PTPRN2: variants seen among roughly 807,000 people sequenced by gnomAD.
The protein encoded by PTPRN2 is protein tyrosine phosphatase receptor type N2.
A neutral mutation model predicts 118.8 loss-of-function variants in PTPRN2; 74 were observed. The observed-to-expected ratio is 0.62, with a 90% CI of 0.52 to 0.76. The LOEUF is 0.76. Ranked by LOEUF, PTPRN2 falls within the 30% of genes least tolerant of loss-of-function variation. The pLI is 0.00. For missense variants in PTPRN2, 1,481 were observed against 1,394.4 expected (o/e 1.06, Z -0.99); for synonymous variants, 641 against 608.0 (o/e 1.05, Z -0.80).
intron 12 of PTPRN2, among the ~76,000 whole-genome samples, chr7:157,788,449 G>A (rs1351187057): frequency 1.3e-5 from 2 of 152,038 alleles, no homozygotes; most frequent in Admixed American, 6.5e-5. Flanking sequence ...GGAGACCCTG[G>A]GAGAAGTGTG....
chr7:157,611,831 A>G lies in PTPRN2; in HGVS notation c.2345-7756T>C, dbSNP rs1221479256. ...CCCGTGTGAAGACGAAGACAGCCGC[A>G]GTCATGCTGGGGACACGCGGAGGGA... On this transcript the variant is annotated intron_variant, in intron 15 of 22. Transcript: ENST00000389418. This position sits in a 1 kb window ranked among gnomAD's most constrained non-coding sequence, Gnocchi z 5.9. Among the ~76,000 whole-genome samples the G allele has an allele frequency of 2.0e-4, 26 of 127,442 alleles. No homozygotes were observed. The highest frequency in any genetic ancestry group is 7.5e-4 in the African/African-American group (24 of 32,156). The allele number at this position is 127,442 out of a possible 152,430, so 83.6% of individuals were successfully genotyped here. A position where few individuals can be genotyped will look rare whatever the true frequency, so the allele number is the denominator to read the frequency against.
chr7:157,585,609 G>A lies in PTPRN2; in HGVS notation c.2497-7469C>T, dbSNP rs1345980270. Among the ~76,000 whole-genome samples, 1 of 152,256 alleles carries A rather than the reference G, an allele frequency of 6.6e-6. No individual in the cohort carries two copies. The highest frequency in any genetic ancestry group is 1.5e-5 in the Non-Finnish European group (1 of 68,056). The stretch of plus-strand genomic sequence containing the variant: ...GAGACTCCCTGTGGCCTCTGCCTGT[G>A]CTCACGTTCCCGGTTAAATATGCGC... On this transcript the variant is annotated intron_variant, in intron 17 of 22. Transcript: ENST00000389418. This position sits in a 1 kb window ranked among gnomAD's most constrained non-coding sequence, Gnocchi z 5.2.
chr7:158,070,722 T>TGTGGAGGTGCCTGTGGTG (rs1811258719), intron 11 of PTPRN2, among the ~76,000 whole-genome samples: 4 of 44,304 alleles, frequency 9.0e-5, no homozygotes, highest in Non-Finnish European at 1.6e-4. Context: ...GTGCCTGTGG[T>TGTGGAGGTGCCTGTGGTG]GTGGAGGTGC....
At chr7:157,735,216 C>G (rs1444133329) in intron 12 of PTPRN2, among the ~76,000 whole-genome samples, 1 of 152,218 alleles carries the variant, frequency 6.6e-6, no homozygotes, top group Non-Finnish European at 1.5e-5. Flanking sequence ...CCATTTTGAC[C>G]CAACAGACAC....
chr7:158,188,712 GT>G lies in PTPRN2; in HGVS notation c.549+3614del, dbSNP rs1462753537. Among the ~76,000 whole-genome samples the G allele has an allele frequency of 9.9e-5, 13 of 130,926 alleles. No homozygotes were observed. In the East Asian group the frequency reaches 2.4e-3, roughly 24 times the overall value. The allele number at this position is 130,926 out of a possible 152,430, so 85.9% of individuals were successfully genotyped here. A position where few individuals can be genotyped will look rare whatever the true frequency, so the allele number is the denominator to read the frequency against. ...GGAAAGGCCGCCACGCCCGCCCCCT[GT>G]AGGGGGAAGGCCGCCACGCTCGCCG... On this transcript the variant is annotated intron_variant, in intron 5 of 22. Transcript: ENST00000389418.
intron 11 of PTPRN2, among the ~76,000 whole-genome samples, chr7:158,076,843 G>A (rs1393067166): frequency 6.6e-6 from 1 of 152,204 alleles, no homozygotes; most frequent in Admixed American, 6.5e-5. Flanking sequence ...GGGGTTGGGG[G>A]GAGCTTCTGG....
chr7:158,198,935 G>C (rs2150727458), intron 4 of PTPRN2, among the ~76,000 whole-genome samples: 1 of 131,392 alleles, frequency 7.6e-6, no homozygotes, highest in South Asian at 2.9e-4. Flanking sequence ...GTTCTTCTCA[G>C]GTTCTGGCTT....
At chr7:157,709,694 T>A (rs60376668) in intron 12 of PTPRN2, among the ~76,000 whole-genome samples, 1 of 152,140 alleles carries the variant, frequency 6.6e-6, no homozygotes, top group Non-Finnish European at 1.5e-5. Flanking sequence ...CTCCAGGAGC[T>A]GCGCCACACA....
intron 12 of PTPRN2, among the ~76,000 whole-genome samples, chr7:157,836,072 A>G (rs899320700): frequency 2.6e-5 from 4 of 152,262 alleles, no homozygotes; most frequent in Admixed American, 2.6e-4. Flanking sequence ...TCACACTCCC[A>G]TAGGAAAATT....
chr7:158,230,956 G>C (rs1029367956), intron 3 of PTPRN2, among the ~76,000 whole-genome samples: 1 of 152,156 alleles, frequency 6.6e-6, no homozygotes, highest in Non-Finnish European at 1.5e-5. Context: ...GATGGACATT[G>C]ACTGAAAGGA....
rs558597355 is a variant in PTPRN2 at position 157,767,497 on chromosome 7, C to G, written c.1789-84560G>C. Among the ~76,000 whole-genome samples, 6 of 152,338 alleles carry G rather than the reference C, an allele frequency of 3.9e-5. No homozygotes were observed. In the South Asian group the frequency reaches 1.0e-3, roughly 26 times the overall value. On this transcript the variant is annotated intron_variant, in intron 12 of 22. Transcript: ENST00000389418. ...TGGCTGGGAAGTCCTCACAGTCACACCCTGCAGTAAGAATGCTCACGAATA... is the reference window on the plus strand; with the variant it reads ...TGGCTGGGAAGTCCTCACAGTCACAGCCTGCAGTAAGAATGCTCACGAATA...
intron 2 of PTPRN2, among the ~76,000 whole-genome samples, chr7:158,437,227 G>T (rs1242962667): frequency 6.6e-6 from 1 of 152,110 alleles, no homozygotes; most frequent in East Asian, 1.9e-4. Flanking sequence ...CATACTCAAT[G>T]TTTTGTGATG....
intron 12 of PTPRN2, among the ~76,000 whole-genome samples, chr7:157,822,435 T>A (rs907649852): frequency 6.6e-6 from 1 of 151,920 alleles, no homozygotes; most frequent in African/African-American, 2.4e-5. Context: ...TCTATCCATC[T>A]ATATACTATC....
intron 2 of PTPRN2, among the ~76,000 whole-genome samples, chr7:158,435,248 T>C (rs1043483666): frequency 6.6e-6 from 1 of 152,156 alleles, no homozygotes; most frequent in Non-Finnish European, 1.5e-5. Flanking sequence ...TGCAACCCAA[T>C]AACCAAAAAC....
chr7:158,404,532 C>G (rs73516690), intron 2 of PTPRN2, among the ~76,000 whole-genome samples: 384 of 152,236 alleles, frequency 2.5e-3, no homozygotes, highest in African/African-American at 8.8e-3. Flanking sequence ...TGGCTTTGGG[C>G]AATTGCTGGC....
intron 3 of PTPRN2, among the ~76,000 whole-genome samples, chr7:158,223,020 A>T (rs1435425344): frequency 2.0e-5 from 3 of 152,188 alleles, no homozygotes; most frequent in Admixed American, 2.0e-4. Context: ...CTCTGCAAAC[A>T]TCAAAAGGAT....
chr7:158,001,590 G>T (rs1805266460), intron 11 of PTPRN2, among the ~76,000 whole-genome samples: 1 of 152,182 alleles, frequency 6.6e-6, no homozygotes, highest in African/African-American at 2.4e-5. Flanking sequence ...AGCCTCACGG[G>T]CGCTCCCACC....
intron 11 of PTPRN2, among the ~76,000 whole-genome samples, chr7:158,080,349 A>G (rs1237820218): frequency 7.1e-6 from 1 of 141,678 alleles, no homozygotes; most frequent in African/African-American, 2.6e-5. Context: ...AAACAAGTTC[A>G]TAGATTTAGC....
chr7:157,755,546 TA>T (rs1235948203), intron 12 of PTPRN2, among the ~76,000 whole-genome samples: 9 of 152,158 alleles, frequency 5.9e-5, no homozygotes, highest in African/African-American at 2.2e-4. Flanking sequence ...TATGCAACCA[TA>T]AAAAGAATGA....
Sources: gnomAD v4.1 joint callset for allele counts (sites outside exome capture counted in the v4.1 genomes callset) on GRCh38, gnomAD v4.1.1 for gene constraint, Gnocchi (gnomAD v3.1) non-coding constraint, MANE v1.5 for transcripts, NCBI Gene and HGNC (gene_info 2026-07-23, HGNC 2026-07-21) for gene names.